MRTFB: variants seen among roughly 807,000 people sequenced by gnomAD.
MRTFB encodes myocardin-related transcription factor B.
MRTFB carries 29 observed loss-of-function variants against 104.2 expected under a neutral mutation model. That is an observed-to-expected ratio of 0.28 (90% CI 0.21 to 0.38). The LOEUF (loss-of-function observed/expected upper bound fraction) is 0.38, where lower values mean the gene tolerates loss of function less well. Ranked by LOEUF, MRTFB falls within the 10% of genes least tolerant of loss-of-function variation. The pLI, the probability that MRTFB is intolerant of heterozygous loss-of-function variation, is 1.00. For missense variants in MRTFB, 1,270 were observed against 1,341.6 expected, an observed-to-expected ratio of 0.95 and a Z score of 0.83; for synonymous variants, 535 against 519.5, an observed-to-expected ratio of 1.03 and a Z score of -0.41.
chr16:14,045,891 A>G, the MRTFB span, among the ~76,000 whole-genome samples: 1 of 152,208 alleles, frequency 6.6e-6, no homozygotes, highest in Non-Finnish European at 1.5e-5. Context: ...ATAGATGTTA[A>G]GTTCCTAATG....
chr16:14,144,999 T>C (rs200183007), intron 3 of MRTFB, among the ~76,000 whole-genome samples: 2 of 104,180 alleles, frequency 1.9e-5, no homozygotes, highest in African/African-American at 1.6e-4. Flanking sequence ...TATATATGTA[T>C]ATATATATAT....
chr16:14,121,551 T>C (rs4781576), intron 2 of MRTFB, among the ~76,000 whole-genome samples: 23,085 of 152,194 alleles, frequency 0.15, 4,252 homozygotes, highest in African/African-American at 0.44. Context: ...CTACTTAGAT[T>C]GTTAACCTCT....
intron 2 of MRTFB, among the ~76,000 whole-genome samples, chr16:14,137,643 AT>A (rs2037788801): frequency 6.6e-6 from 1 of 152,108 alleles, no homozygotes; most frequent in Non-Finnish European, 1.5e-5. Flanking sequence ...CCTTAGTGAA[AT>A]AAGTAATTTG....
the MRTFB span, among the ~76,000 whole-genome samples, chr16:14,048,565 G>T: frequency 1.3e-5 from 2 of 152,146 alleles, no homozygotes; most frequent in Admixed American, 6.6e-5. Context: ...AGACACAGGG[G>T]CCAGAGTGTG....
At chr16:14,090,606 C>T (rs748565429) in intron 2 of MRTFB, among the ~76,000 whole-genome samples, 40 of 152,154 alleles carry the variant, frequency 2.6e-4, no homozygotes, top group African/African-American at 8.4e-4. Context: ...TCTCCTCTTT[C>T]GGGTGAGAAT....
intron 2 of MRTFB, among the ~76,000 whole-genome samples, chr16:14,118,978 T>C (rs954972009): frequency 2.6e-5 from 4 of 152,170 alleles, no homozygotes; most frequent in African/African-American, 9.7e-5. Flanking sequence ...AGTTTATCCA[T>C]TCTTCTGTCA....
the MRTFB span, among the ~76,000 whole-genome samples, chr16:14,062,556 C>T: frequency 6.6e-6 from 1 of 152,158 alleles, no homozygotes; most frequent in Non-Finnish European, 1.5e-5. Context: ...AAGTTTGCCT[C>T]CCCACTACCC....
chr16:14,101,127 G>GT lies in MRTFB; in HGVS notation c.-64+21788dup, dbSNP rs199837576. ...CTGTGGGTACACATAATTATGTAGG[G>GT]TTTTTTTTTTTTTTTGCTAAGTTTT... is the stretch of plus-strand genomic sequence containing the variant. On this transcript the variant is annotated intron_variant, in intron 2 of 16. Transcript: ENST00000571589. 5.3e-3 allele frequency among the ~76,000 whole-genome samples: 656 copies of GT among 122,876 alleles called. 3 individuals carry two copies. The highest frequency in any genetic ancestry group is 0.018 in the East Asian group (78 of 4,258). 80.6% of individuals were successfully genotyped at this position (122,876 alleles called of 152,430 possible). A position where few individuals can be genotyped will look rare whatever the true frequency, so the allele number is the denominator to read the frequency against.
At chr16:14,181,511 A>G (rs2039770580) in intron 3 of MRTFB, among the ~76,000 whole-genome samples, 1 of 152,194 alleles carries the variant, frequency 6.6e-6, no homozygotes, top group Non-Finnish European at 1.5e-5. Context: ...ATCTATTAGC[A>G]AGTACTGAGA....
chr16:14,001,831 G>A, the MRTFB span, among the ~76,000 whole-genome samples: 2 of 152,170 alleles, frequency 1.3e-5, no homozygotes, highest in African/African-American at 2.4e-5. Context: ...TGCCACCTGG[G>A]GAACCCACTT....
chr16:14,015,728 A>G, the MRTFB span: 8 of 391,190 alleles, frequency 2.0e-5, no homozygotes, highest in Non-Finnish European at 3.6e-5. Context: ...TGATCGGTTA[A>G]TAATGCAGCA....
At chr16:14,235,399 C>T (rs2151325844) in intron 9 of MRTFB, among the ~76,000 whole-genome samples, 1 of 152,336 alleles carries the variant, frequency 6.6e-6, no homozygotes, top group South Asian at 2.1e-4. Context: ...CATCCCCACG[C>T]ATGCAACCCC....
the MRTFB span, among the ~76,000 whole-genome samples, chr16:14,036,321 T>TATGA: frequency 7.8e-6 from 1 of 127,710 alleles, no homozygotes; most frequent in Non-Finnish European, 1.6e-5. Context: ...TATATATATA[T>TATGA]GATGTCCACC....
At chr16:14,172,143 T>TC (rs1393969620) in intron 3 of MRTFB, among the ~76,000 whole-genome samples, 2 of 152,138 alleles carry the variant, frequency 1.3e-5, no homozygotes, top group South Asian at 2.1e-4. Context: ...CCCATTCCCA[T>TC]CCCTTCATCC....
At chr16:14,189,912 A>G (rs1425520402) in intron 3 of MRTFB, among the ~76,000 whole-genome samples, 1 of 152,170 alleles carries the variant, frequency 6.6e-6, no homozygotes, top group Non-Finnish European at 1.5e-5. Flanking sequence ...AATTATTATG[A>G]GGGGAAAACA....
the MRTFB span, among the ~76,000 whole-genome samples, chr16:14,017,555 T>A: frequency 7.0e-6 from 1 of 142,666 alleles, no homozygotes; most frequent in African/African-American, 2.6e-5. Context: ...GTATGAGTTT[T>A]GTGTCCCTTG....
At chr16:14,100,350 T>G (rs2035632092) in intron 2 of MRTFB, among the ~76,000 whole-genome samples, 1 of 152,224 alleles carries the variant, frequency 6.6e-6, no homozygotes, top group South Asian at 2.1e-4. Flanking sequence ...GAGCATCTAT[T>G]GAGATAATCA....
intron 3 of MRTFB, among the ~76,000 whole-genome samples, chr16:14,145,127 G>A (rs565404792): frequency 3.0e-4 from 45 of 151,138 alleles, no homozygotes; most frequent in African/African-American, 7.0e-4. Context: ...TGAAAGGACC[G>A]TAACATTCTT....
At chr16:14,051,583 C>G in the MRTFB span, among the ~76,000 whole-genome samples, 1 of 152,050 alleles carries the variant, frequency 6.6e-6, no homozygotes, top group Non-Finnish European at 1.5e-5. Flanking sequence ...CACACACACA[C>G]ACGCATATGC....
Sources: gnomAD v4.1 joint callset for allele counts (sites outside exome capture counted in the v4.1 genomes callset) on GRCh38, gnomAD v4.1.1 for gene constraint, MANE v1.5 for transcripts, NCBI Gene and HGNC (gene_info 2026-07-23, HGNC 2026-07-21) for gene names.